CCDC171: variants seen among roughly 807,000 people sequenced by gnomAD.
The protein encoded by CCDC171 is coiled-coil domain-containing protein 171.
In CCDC171, 177 loss-of-function variants were observed where a neutral mutation model predicts 168.2. The observed-to-expected ratio is 1.05, with a 90% CI of 0.93 to 1.19. The LOEUF is 1.19. Among genes scored for constraint, CCDC171 ranks in the 50% most tolerant of loss-of-function variants. The pLI, the probability that CCDC171 is intolerant of heterozygous loss-of-function variation, is 0.00. For missense variants in CCDC171, 1,991 were observed against 1,539.0 expected (o/e 1.29, Z -4.91); for synonymous variants, 687 against 540.8 (o/e 1.27, Z -3.75).
chr9:15,759,769 A>G (rs1588341531), intron 18 of CCDC171, among the ~76,000 whole-genome samples: 1 of 152,224 alleles, frequency 6.6e-6, no homozygotes, highest in Non-Finnish European at 1.5e-5. Context: ...TTTTTAAAAA[A>G]GCTTTACTTT....
chr9:15,563,305 A>G (rs917918321), intron 1 of CCDC171, among the ~76,000 whole-genome samples: 1 of 151,910 alleles, frequency 6.6e-6, no homozygotes. Context: ...CGCCTGGCTA[A>G]TTTTATATTT....
At chr9:16,041,835 G>T (rs1833577536), upstream of CCDC171, among the ~76,000 whole-genome samples, 1 of 152,118 alleles carries the variant, frequency 6.6e-6, no homozygotes, top group Non-Finnish European at 1.5e-5. Flanking sequence ...TTCATTCTTT[G>T]TGGGCACAGG....
chr9:15,668,830 T>A, intron 9 of CCDC171, among the ~76,000 whole-genome samples: 1 of 152,262 alleles, frequency 6.6e-6, no homozygotes, highest in South Asian at 2.1e-4. Flanking sequence ...TTTTTAAATA[T>A]TTTTTAAAGA....
chr9:15,761,640 T>A (rs899703108), intron 18 of CCDC171, among the ~76,000 whole-genome samples: 3 of 152,066 alleles, frequency 2.0e-5, no homozygotes, highest in African/African-American at 4.8e-5. Flanking sequence ...TTTTGTTATT[T>A]AAAAAAAATT....
At position 15,821,913 on chromosome 9, in the gene CCDC171, A is replaced by T; in HGVS notation, c.3268-24789A>T. ...CCAAAAGAACAAAGCTGGAGGCATC[A>T]CGCTACCTGACTTCAAACTATACAA... On this transcript the variant is annotated intron_variant, in intron 21 of 25. Coordinates refer to ENST00000380701, the MANE Select transcript of CCDC171 (RefSeq NM_173550.4). Among the ~76,000 whole-genome samples, 2 of 49,170 alleles carry T rather than the reference A, an allele frequency of 4.1e-5. 1 individual carries two copies. Among genetic ancestry groups the T allele is most frequent in the Non-Finnish European group, 1.0e-4 (2 of 19,564 alleles). The allele number at this position is 49,170 out of a possible 152,430, so 32.3% of individuals were successfully genotyped here.
chr9:15,632,017 G>A (rs201297644), intron 7 of CCDC171, among the ~76,000 whole-genome samples: 4 of 152,008 alleles, frequency 2.6e-5, no homozygotes, highest in South Asian at 2.1e-4. Flanking sequence ...GATGGGACGT[G>A]TCTCAAAATA....
At chr9:16,056,245 A>G (rs1035618881) in intron 1 of CCDC171, among the ~76,000 whole-genome samples, 1 of 152,176 alleles carries the variant, frequency 6.6e-6, no homozygotes, top group Non-Finnish European at 1.5e-5. Flanking sequence ...TATATTCTGT[A>G]TTGTTTTAGA....
chr9:16,099,376 C>G, the CCDC171 span, among the ~76,000 whole-genome samples: 1 of 152,196 alleles, frequency 6.6e-6, no homozygotes, highest in Non-Finnish European at 1.5e-5. Context: ...GAAACGCCAT[C>G]GCAGTGGCTC....
intron 21 of CCDC171, among the ~76,000 whole-genome samples, chr9:15,799,345 C>T (rs2105317): frequency 0.45 from 67,541 of 150,488 alleles, 15,540 homozygotes; most frequent in East Asian, 0.64. Flanking sequence ...TTGTTCCCTT[C>T]TCTTCTGGTT....
At chr9:15,618,541 C>T (rs1330115443) in intron 6 of CCDC171, among the ~76,000 whole-genome samples, 1 of 152,204 alleles carries the variant, frequency 6.6e-6, no homozygotes, top group African/African-American at 2.4e-5. Context: ...TGTCCTTTCT[C>T]ACTGGAGTTC....
chr9:16,069,365 G>A, the CCDC171 span, among the ~76,000 whole-genome samples: 1 of 152,246 alleles, frequency 6.6e-6, no homozygotes, highest in African/African-American at 2.4e-5. Flanking sequence ...GACTGGGCCA[G>A]GTAGTATCAT....
chr9:15,647,878 T>A (rs1290274529), intron 7 of CCDC171, among the ~76,000 whole-genome samples: 12 of 152,054 alleles, frequency 7.9e-5, no homozygotes, highest in Middle Eastern at 3.2e-3. Context: ...AAAGAAGGAA[T>A]CCTCCCTAAC....
intron 4 of CCDC171, among the ~76,000 whole-genome samples, chr9:15,586,943 G>T (rs1442193483): frequency 1.3e-5 from 2 of 152,060 alleles, no homozygotes; most frequent in African/African-American, 2.4e-5. Flanking sequence ...GAGTAGTTAG[G>T]ACTATAGGTG....
chr9:15,838,370 G>T (rs944823811), intron 21 of CCDC171, among the ~76,000 whole-genome samples: 3 of 152,116 alleles, frequency 2.0e-5, no homozygotes, highest in African/African-American at 4.8e-5. Flanking sequence ...GATATAGCCA[G>T]AATGACCTCT....
At chr9:16,080,342 G>A in the CCDC171 span, among the ~76,000 whole-genome samples, 1 of 152,184 alleles carries the variant, frequency 6.6e-6, no homozygotes, top group Non-Finnish European at 1.5e-5. Flanking sequence ...GTGTATGTAT[G>A]TGCATGTGTA....
chr9:15,648,216 C>T (rs1446140954), intron 7 of CCDC171, among the ~76,000 whole-genome samples: 2 of 152,162 alleles, frequency 1.3e-5, no homozygotes, highest in Non-Finnish European at 2.9e-5. Flanking sequence ...GCTAAAAACT[C>T]TCAATAAATT....
chr9:15,720,859 G>T (rs2053432665), intron 11 of CCDC171, among the ~76,000 whole-genome samples: 1 of 152,000 alleles, frequency 6.6e-6, no homozygotes, highest in Non-Finnish European at 1.5e-5. Context: ...CCCACAACAG[G>T]CCCCAGTGTG....
intron 6 of CCDC171, among the ~76,000 whole-genome samples, chr9:15,611,553 G>A (rs2043697559): frequency 6.6e-6 from 1 of 152,086 alleles, no homozygotes; most frequent in Non-Finnish European, 1.5e-5. Context: ...AGTGCTCAGG[G>A]CGCTGTGAGG....
Position 15,661,541 on chromosome 9 carries a change from A to G in CCDC171, c.915+4322A>G, listed in dbSNP as rs372018414. ...AAGTTTATATTTGAATCATAAATCT[A>G]TAAATATTTACAAGTATTTTCAATG... On this transcript the variant is annotated intron_variant, in intron 8 of 25. Transcript: ENST00000380701. Among the ~76,000 whole-genome samples, 14 of 152,354 alleles carry G rather than the reference A, an allele frequency of 9.2e-5. No individual in the cohort carries two copies. In the East Asian group the frequency reaches 1.9e-3, roughly 21 times the overall value.
Sources: gnomAD v4.1 joint callset for allele counts (sites outside exome capture counted in the v4.1 genomes callset) on GRCh38, gnomAD v4.1.1 for gene constraint, MANE v1.5 for transcripts, NCBI Gene and HGNC (gene_info 2026-07-23, HGNC 2026-07-21) for gene names.